Variants in PCP4L1 observed in about 807,000 individuals in gnomAD.
PCP4L1 encodes the protein Purkinje cell protein 4-like protein 1.
In PCP4L1, 9 loss-of-function variants were observed where a neutral mutation model predicts 9.6. That is an observed-to-expected ratio of 0.94 (90% CI 0.57 to 1.64). The LOEUF is 1.64. Ranked by LOEUF, PCP4L1 falls within the 40% of genes most tolerant of loss-of-function variation. The probability of loss-of-function intolerance (pLI) is 0.00; values close to 1 mark genes in which losing one functional copy is unlikely to be tolerated. For synonymous variants in PCP4L1, 31 were observed against 28.2 expected (o/e 1.10, Z -0.31); for missense variants, 81 against 80.8 (o/e 1.00, Z -0.01).
chr1:161,261,235 GTC>G (rs948146842), intron 1 of PCP4L1, among the ~76,000 whole-genome samples: 15 of 152,206 alleles, frequency 9.9e-5, no homozygotes, highest in African/African-American at 3.4e-4. Context: ...AATTTGGGAT[GTC>G]TTTAAGAGAC....
intron 1 of PCP4L1, among the ~76,000 whole-genome samples, chr1:161,260,730 C>G (rs114491242): frequency 0.017 from 2,602 of 152,260 alleles, 74 homozygotes; most frequent in African/African-American, 0.059. Flanking sequence ...CCTCCTGACT[C>G]AGCAGCTGAA....
chr1:161,266,572 T>C (rs1335219461), intron 1 of PCP4L1, among the ~76,000 whole-genome samples: 1 of 152,086 alleles, frequency 6.6e-6, no homozygotes, highest in Non-Finnish European at 1.5e-5. Flanking sequence ...GGTACTTCTA[T>C]TCCAGGAAAC....
chr1:161,267,703 A>G (rs1291001628), intron 1 of PCP4L1, among the ~76,000 whole-genome samples: 2 of 107,792 alleles, frequency 1.9e-5, no homozygotes. Context: ...CTACCACAAT[A>G]CTATGTTTTG....
chr1:161,268,580 T>G (rs1361262161), intron 1 of PCP4L1, among the ~76,000 whole-genome samples: 3 of 124,874 alleles, frequency 2.4e-5, no homozygotes, highest in African/African-American at 9.4e-5. Context: ...TGAGATGGAG[T>G]CTCGCTCTTG....
chr1:161,258,879 G>A lies in PCP4L1; in HGVS notation c.-96G>A, dbSNP rs1244663152. 6.6e-7 allele frequency: 1 copy of A among 1,507,442 alleles called. No individual in the cohort carries two copies. The highest frequency in any genetic ancestry group is 2.0e-5 in the Admixed American group (1 of 50,902). 93.4% of individuals were successfully genotyped at this position (1,507,442 alleles called of 1,614,324 possible). On this transcript the variant is annotated 5_prime_UTR_variant, in exon 1 of 3. Coordinates refer to ENST00000504449, the MANE Select transcript of PCP4L1 (RefSeq NM_001102566.2). ...CTGGTCAGCTGTAACCCCTGCCGCA[G>A]AGCCCGGCAACTTTCAGCTGTCGCC...
At position 161,283,650 on chromosome 1, in the gene PCP4L1, T is replaced by A; in HGVS notation, c.10-18T>A. On this transcript the variant is annotated intron_variant, in intron 1 of 2. Coordinates refer to ENST00000504449, the MANE Select transcript of PCP4L1 (RefSeq NM_001102566.2). ...TCCATGAATATCTAATATTCTGATA[T>A]CCTAATATTTTTTCCAGCTTAATAC... 3.2e-6 allele frequency: 5 copies of A among 1,578,342 alleles called. No homozygotes were observed. The highest frequency in any genetic ancestry group is 2.3e-5 in the South Asian group (2 of 86,336).
At chr1:161,283,343 G>A (rs976162353) in intron 1 of PCP4L1, among the ~76,000 whole-genome samples, 1 of 151,890 alleles carries the variant, frequency 6.6e-6, no homozygotes. Flanking sequence ...ATTTCCTTTC[G>A]CTACCTTTTC....
At chr1:161,260,653 G>A (rs972050542) in intron 1 of PCP4L1, among the ~76,000 whole-genome samples, 2 of 152,156 alleles carry the variant, frequency 1.3e-5, no homozygotes, top group Non-Finnish European at 2.9e-5. Flanking sequence ...GGTATTTGGT[G>A]GAATGAGAAG....
intron 1 of PCP4L1, among the ~76,000 whole-genome samples, chr1:161,273,542 T>C (rs1571797054): frequency 6.6e-6 from 1 of 152,020 alleles, no homozygotes; most frequent in Non-Finnish European, 1.5e-5. Context: ...TGAATGACAG[T>C]GAGGGAGGCA....
chr1:161,266,184 C>T (rs1365736132), intron 1 of PCP4L1, among the ~76,000 whole-genome samples: 1 of 152,134 alleles, frequency 6.6e-6, no homozygotes, highest in Admixed American at 6.6e-5. Context: ...CCCAGTACCC[C>T]ACCCAGGGAA....
intron 1 of PCP4L1, among the ~76,000 whole-genome samples, chr1:161,276,257 T>C (rs1006380234): frequency 6.6e-6 from 1 of 152,142 alleles, no homozygotes; most frequent in Non-Finnish European, 1.5e-5. Context: ...GAGTAACAAC[T>C]GGGTCAGTCT....
rs1421025224 is a variant in PCP4L1, at chr1:161,278,940, G to A, written c.10-4728G>A. 2.0e-5 allele frequency among the ~76,000 whole-genome samples: 3 copies of A among 152,122 alleles called. No individual in the cohort carries two copies. In the East Asian group the frequency reaches 5.8e-4, roughly 29 times the overall value. On this transcript the variant is annotated intron_variant, in intron 1 of 2. Coordinates refer to ENST00000504449, the MANE Select transcript of PCP4L1 (RefSeq NM_001102566.2). ...TGGGACCACAAGTGCACGCCACCATGCTTGATTAATTTTTGTAGTTTTTGT... is the reference window on the plus strand; with the variant it reads ...TGGGACCACAAGTGCACGCCACCATACTTGATTAATTTTTGTAGTTTTTGT...
At chr1:161,261,149 A>G (rs1463601060) in intron 1 of PCP4L1, among the ~76,000 whole-genome samples, 1 of 152,122 alleles carries the variant, frequency 6.6e-6, no homozygotes, top group Non-Finnish European at 1.5e-5. Flanking sequence ...AGCCCTGTGT[A>G]CCTTGAATCT....
Position 161,258,956 on chromosome 1 carries a change from GC to G in PCP4L1, c.-16del. 6.5e-7 allele frequency: 1 copy of G among 1,534,420 alleles called. No individual in the cohort carries two copies. The highest frequency in any genetic ancestry group is 8.7e-7 in the Non-Finnish European group (1 of 1,145,982). ...CACCTGTGCGTGCAGCGCCTCGCGC[GC>G]CCTGTCCGGCTGCGGAGATGAGCGA... On this transcript the variant is annotated 5_prime_UTR_variant, in exon 1 of 3. Coordinates refer to ENST00000504449, the MANE Select transcript of PCP4L1 (RefSeq NM_001102566.2).
chr1:161,270,464 C>G lies in PCP4L1; in HGVS notation c.9+11481C>G, dbSNP rs561394563. ...AATCCATATATTGAAATCCTAACCC[C>G]CAAGATGATGATACTAGGAAGTGAG... On this transcript the variant is annotated intron_variant, in intron 1 of 2. Transcript: ENST00000504449. Among the ~76,000 whole-genome samples, 6 of 150,028 alleles carry G rather than the reference C, an allele frequency of 4.0e-5. No homozygotes were observed. The South Asian group carries it at 1.3e-3, about 32-fold the overall frequency.
chr1:161,268,796 G>A (rs375912491), intron 1 of PCP4L1, among the ~76,000 whole-genome samples: 4 of 152,104 alleles, frequency 2.6e-5, no homozygotes, highest in African/African-American at 9.7e-5. Flanking sequence ...TGATCCACCC[G>A]CCTTGGGCTC....
rs569974376 is a variant in PCP4L1 at position 161,274,564 on chromosome 1, T to C, written c.10-9104T>C. 3.3e-5 allele frequency among the ~76,000 whole-genome samples: 5 copies of C among 152,338 alleles called. No homozygotes were observed. The East Asian group carries it at 9.6e-4, about 29-fold the overall frequency. ...TACCTCTGTGCCTCCTTTGTTTATG[T>C]GAAGTATGGTTAGTCTGATGGCTTG... On this transcript the variant is annotated intron_variant, in intron 1 of 2. Coordinates refer to ENST00000504449, the MANE Select transcript of PCP4L1 (RefSeq NM_001102566.2).
chr1:161,283,864 C>CTATAGA, intron 2 of PCP4L1, 142 bp downstream of exon 2: 2 of 810,058 alleles, frequency 2.5e-6, no homozygotes, highest in Non-Finnish European at 4.0e-6. Context: ...CAGTTTGGAA[C>CTATAGA]TACAGTACTA....
chr1:161,274,188 C>T (rs905195855), intron 1 of PCP4L1, among the ~76,000 whole-genome samples: 6 of 152,088 alleles, frequency 3.9e-5, no homozygotes, highest in Admixed American at 6.5e-5. Flanking sequence ...TAAAGTAAAG[C>T]GAGGTGACAT....
Sources: allele counts gnomAD v4.1 joint callset (sites outside exome capture counted in the v4.1 genomes callset), GRCh38; gene constraint gnomAD v4.1.1; transcripts MANE v1.5; gene names NCBI Gene and HGNC (gene_info 2026-07-23, HGNC 2026-07-21).